The following SYNPO variants were observed in gnomAD, a reference collection of about 807,000 sequenced individuals.
SYNPO encodes the protein synaptopodin.
Under a neutral mutation model 49.5 loss-of-function variants are expected in SYNPO, and 19 were observed. The observed-to-expected ratio is 0.38, with a 90% CI of 0.27 to 0.56. The LOEUF (loss-of-function observed/expected upper bound fraction) is 0.56, where lower values mean the gene tolerates loss of function less well. Ranked by LOEUF, SYNPO falls within the 20% of genes least tolerant of loss-of-function variation. SYNPO has a pLI of 0.68. For missense variants in SYNPO, 1,131 were observed against 1,248.3 expected, an observed-to-expected ratio of 0.91 and a Z score of 1.42; for synonymous variants, 536 against 548.0, an observed-to-expected ratio of 0.98 and a Z score of 0.31.
intron 2 of SYNPO, among the ~76,000 whole-genome samples, chr5:150,623,301 C>T (rs1462457258): frequency 2.0e-5 from 3 of 152,202 alleles, no homozygotes; most frequent in East Asian, 1.9e-4. Context: ...CACACACCTA[C>T]GTACAGACCG....
chr5:150,621,038 C>T (rs1483021536), intron 2 of SYNPO, among the ~76,000 whole-genome samples: 1 of 150,770 alleles, frequency 6.6e-6, no homozygotes, highest in African/African-American at 2.4e-5. Flanking sequence ...TTGCGACCTC[C>T]GCCTACCGGG....
intron 2 of SYNPO, chr5:150,624,907 G>A (rs1223992971): frequency 1.0e-6 from 1 of 985,558 alleles, no homozygotes; most frequent in East Asian, 1.1e-4. Context: ...AGCGGCTGGA[G>A]GTGAGTGAGG....
chr5:150,649,482 G>A lies in SYNPO; in HGVS notation c.1207G>A (p.Asp403Asn). 1 of 1,614,000 alleles carries A rather than the reference G, an allele frequency of 6.2e-7. No individual in the cohort carries two copies. The highest frequency in any genetic ancestry group is 8.5e-7 in the Non-Finnish European group (1 of 1,179,936). ...PDLLDLVQTA[D>N]EKRRQRDQGE... is the part of the protein sequence containing the mutation. ...CTTGCTGGATCTGGTACAGACAGCG[G>A]ATGAGAAGCGGCGGCAGAGGGACCA... The change falls in exon 2 of 3, where the codon GAT (aspartate) becomes AAT (asparagine). Residue 403 changes from aspartate to asparagine, a missense_variant. By Grantham distance (23) the Asp-to-Asn change is conservative. Coordinates refer to ENST00000307662, the MANE Select transcript of SYNPO (RefSeq NM_007286.6).
At chr5:150,599,352 T>G (rs1756480549), upstream of SYNPO, among the ~76,000 whole-genome samples, 1 of 152,158 alleles carries the variant, frequency 6.6e-6, no homozygotes, top group Admixed American at 6.5e-5. Context: ...CCCTTTTTCA[T>G]GGATGGTTTG....
At chr5:150,645,568 G>A (rs1758059994) in intron 1 of SYNPO, among the ~76,000 whole-genome samples, 1 of 152,332 alleles carries the variant, frequency 6.6e-6, no homozygotes. Context: ...ACTGAACTCA[G>A]CCTGATCTCA....
intron 2 of SYNPO, 49 bp downstream of exon 2, chr5:150,650,352 C>G: frequency 6.2e-7 from 1 of 1,611,216 alleles, no homozygotes; most frequent in Admixed American, 1.7e-5. Flanking sequence ...ACGGGGGTCC[C>G]ACTGCCGGTC....
At chr5:150,637,071 G>A (rs1047259269), upstream of SYNPO, among the ~76,000 whole-genome samples, 1 of 152,232 alleles carries the variant, frequency 6.6e-6, no homozygotes, top group African/African-American at 2.4e-5. Flanking sequence ...TTTTACTGAT[G>A]ATGAAGTTGA....
exon 2 of SYNPO, chr5:150,618,266 G>T: frequency 7.3e-7 from 1 of 1,376,516 alleles, no homozygotes. Flanking sequence ...AGAGGAGGCT[G>T]TGTAAGGAGC....
chr5:150,651,058 A>G (rs1298497954), intron 2 of SYNPO: 12 of 1,175,374 alleles, frequency 1.0e-5, no homozygotes, highest in African/African-American at 6.4e-5. Context: ...CCTCAGCCCC[A>G]GTTCTACCTG....
At chr5:150,604,607 A>G (rs1484022730) in intron 1 of SYNPO, among the ~76,000 whole-genome samples, 1 of 152,188 alleles carries the variant, frequency 6.6e-6, no homozygotes, top group African/African-American at 2.4e-5. Context: ...AGGCAAAAAG[A>G]AAAAGAAGAG....
At chr5:150,644,124 A>G (rs1377117123) in intron 1 of SYNPO, among the ~76,000 whole-genome samples, 2 of 151,274 alleles carry the variant, frequency 1.3e-5, no homozygotes, top group African/African-American at 2.4e-5. Context: ...ACAGTGAACC[A>G]TGATGGTGCC....
chr5:150,650,526 T>C (rs1758336791), intron 2 of SYNPO: 4 of 1,473,036 alleles, frequency 2.7e-6, no homozygotes, highest in Non-Finnish European at 2.7e-6. Context: ...AAGCCGCCCC[T>C]CCCCTACTAC....
chr5:150,632,828 G>A (rs372257630), intron 2 of SYNPO, among the ~76,000 whole-genome samples: 10 of 152,158 alleles, frequency 6.6e-5, no homozygotes, highest in African/African-American at 2.2e-4. Context: ...CATTATTTAT[G>A]TTTGTGAGTC....
chr5:150,586,700 G>A, the SYNPO span, among the ~76,000 whole-genome samples: 2 of 152,158 alleles, frequency 1.3e-5, no homozygotes, highest in African/African-American at 4.8e-5. Flanking sequence ...TGCAAGCCCT[G>A]AAAAGGTAGC....
At chr5:150,593,036 A>G in the SYNPO span, among the ~76,000 whole-genome samples, 1 of 152,198 alleles carries the variant, frequency 6.6e-6, no homozygotes, top group Non-Finnish European at 1.5e-5. Flanking sequence ...CTTCTGAACA[A>G]AGTGCTCCCC....
rs1017422597 is a variant in SYNPO at position 150,658,582 on chromosome 5, T to C, written c.*1495T>C. On this transcript the variant is annotated 3_prime_UTR_variant, in exon 3 of 3. Transcript: ENST00000307662. ...TTGGCTGGTAGAGCCTTCTAGAGGT[T>C]CAGAATATTAGCTTCAGGATCAGCT... The C allele has an allele frequency of 6.6e-6, 1 of 152,378 alleles. No individual in the cohort carries two copies. Among genetic ancestry groups the C allele is most frequent in the Non-Finnish European group, 1.5e-5 (1 of 68,140 alleles). The allele number at this position is 152,378 out of a possible 1,614,324, so 9.4% of individuals were successfully genotyped here.
chr5:150,656,475 C>A lies in SYNPO; in HGVS notation c.2100C>A (p.Asp700Glu). 5.2e-6 allele frequency: 8 copies of A among 1,532,638 alleles called. No homozygotes were observed. Among genetic ancestry groups the A allele is most frequent in the Non-Finnish European group, 7.0e-6 (8 of 1,145,536 alleles). The allele number at this position is 1,532,638 out of a possible 1,614,324, so 94.9% of individuals were successfully genotyped here. Residue 700 changes from aspartate to glutamate, a missense_variant, in exon 3 of 3, where the codon GAC becomes GAA. Asp to Glu is a conservative substitution (Grantham distance 45). This residue lies in a region of SYNPO where 509 missense variants were observed against 484.5 expected (regional missense o/e 1.05). Coordinates refer to ENST00000307662, the MANE Select transcript of SYNPO (RefSeq NM_007286.6). ...CGTCCCGGCCCCCCAGCAGCCTAGA[C>A]GGCTGGGTGAGCCCGGGCCCGTGGG... ...PGASRPPSSL[D>E]GWVSPGPWEP...
intron 2 of SYNPO, chr5:150,618,806 A>G: frequency 6.5e-7 from 1 of 1,550,128 alleles, no homozygotes. Context: ...TACCAGAGTC[A>G]CTGGAGACCC....
At chr5:150,612,257 C>T (rs556264930) in intron 1 of SYNPO, among the ~76,000 whole-genome samples, 2 of 152,314 alleles carry the variant, frequency 1.3e-5, no homozygotes, top group South Asian at 4.1e-4. Flanking sequence ...CCATCTGAAC[C>T]CGTTCAGAGT....
Sources: gnomAD v4.1 joint callset for allele counts (sites outside exome capture counted in the v4.1 genomes callset) on GRCh38, gnomAD v4.1.1 for gene constraint, gnomAD v4.1.1 regional missense constraint, MANE v1.5 for transcripts, NCBI Gene and HGNC (gene_info 2026-07-23, HGNC 2026-07-21) for gene names.